Variants in CSGALNACT1 observed in about 807,000 individuals in gnomAD.
The protein encoded by CSGALNACT1 is chondroitin sulfate N-acetylgalactosaminyltransferase 1.
A neutral mutation model predicts 51.0 loss-of-function variants in CSGALNACT1; 52 were observed. The ratio of observed to expected loss-of-function variants is 1.02; its 90% CI spans 0.82 to 1.29. CSGALNACT1 has a LOEUF of 1.29. Among genes scored for constraint, CSGALNACT1 ranks in the 50% most tolerant of loss-of-function variants. The pLI is 0.00. For synonymous variants in CSGALNACT1, 341 were observed against 254.4 expected (o/e 1.34, Z -3.24); for missense variants, 935 against 679.2 (o/e 1.38, Z -4.19).
At chr8:19,595,408 CA>C (rs2048677717) in intron 2 of CSGALNACT1, among the ~76,000 whole-genome samples, 1 of 152,082 alleles carries the variant, frequency 6.6e-6, no homozygotes, top group African/African-American at 2.4e-5. Flanking sequence ...TAACAAGTCT[CA>C]ATATATGTTT....
At chr8:19,720,095 A>C (rs916453173) in intron 1 of CSGALNACT1, among the ~76,000 whole-genome samples, 3 of 152,244 alleles carry the variant, frequency 2.0e-5, no homozygotes, top group Non-Finnish European at 4.4e-5. Flanking sequence ...TGAGAAAGGC[A>C]GAGGAGAAAG....
intron 3 of CSGALNACT1, among the ~76,000 whole-genome samples, chr8:19,584,560 C>G (rs993703261): frequency 6.6e-6 from 1 of 152,174 alleles, no homozygotes; most frequent in African/African-American, 2.4e-5. Context: ...AAAATTCTAG[C>G]TAACGCCACT....
intron 4 of CSGALNACT1, among the ~76,000 whole-genome samples, chr8:19,468,304 T>C (rs1251211070): frequency 6.6e-6 from 1 of 152,104 alleles, no homozygotes; most frequent in Admixed American, 6.5e-5. Context: ...TTGGCCACCT[T>C]GAGGCAGTTC....
intron 1 of CSGALNACT1, among the ~76,000 whole-genome samples, chr8:19,653,668 T>A (rs2058022027): frequency 6.6e-6 from 1 of 152,036 alleles, no homozygotes; most frequent in Non-Finnish European, 1.5e-5. Context: ...GTGACACACA[T>A]CTGTAGTCCC....
intron 1 of CSGALNACT1, among the ~76,000 whole-genome samples, chr8:19,711,700 A>T (rs1252882176): frequency 2.6e-5 from 4 of 152,210 alleles, no homozygotes; most frequent in African/African-American, 9.7e-5. Context: ...TCAATATGAC[A>T]TCTCACAGGT....
At chr8:19,544,712 G>A (rs567418997) in intron 3 of CSGALNACT1, among the ~76,000 whole-genome samples, 2 of 152,216 alleles carry the variant, frequency 1.3e-5, no homozygotes, top group Admixed American at 1.3e-4. Flanking sequence ...AAATTCCAGG[G>A]GTGAATTAAT....
At chr8:19,463,558 T>C (rs2066013786) in intron 4 of CSGALNACT1, among the ~76,000 whole-genome samples, 1 of 152,194 alleles carries the variant, frequency 6.6e-6, no homozygotes, top group East Asian at 1.9e-4. Flanking sequence ...GGAATGGTTT[T>C]TCAGCCAGTA....
chr8:19,611,548 G>A (rs934837789), intron 1 of CSGALNACT1, among the ~76,000 whole-genome samples: 19 of 152,142 alleles, frequency 1.2e-4, no homozygotes, highest in African/African-American at 4.6e-4. Context: ...TACTATTCAG[G>A]AACATTAAAT....
intron 6 of CSGALNACT1, among the ~76,000 whole-genome samples, chr8:19,433,872 G>C (rs947692173): frequency 6.6e-6 from 1 of 152,184 alleles, no homozygotes; most frequent in Admixed American, 6.5e-5. Context: ...GTGGCCCAGA[G>C]AAGCCAAAAG....
intron 1 of CSGALNACT1, among the ~76,000 whole-genome samples, chr8:19,619,204 G>A (rs754130522): frequency 7.1e-6 from 1 of 141,796 alleles, no homozygotes; most frequent in Middle Eastern, 3.7e-3. Flanking sequence ...GAGTGCAGGT[G>A]AGGTAAGAAA....
At chr8:19,658,660 G>C (rs1221260613) in intron 1 of CSGALNACT1, among the ~76,000 whole-genome samples, 1 of 152,080 alleles carries the variant, frequency 6.6e-6, no homozygotes, top group Non-Finnish European at 1.5e-5. Flanking sequence ...CTTGAACCTG[G>C]GGGGCAGAGG....
intron 3 of CSGALNACT1, among the ~76,000 whole-genome samples, chr8:19,579,772 G>C (rs576833602): frequency 6.6e-6 from 1 of 152,194 alleles, no homozygotes; most frequent in Admixed American, 6.5e-5. Flanking sequence ...TTTTCCCATA[G>C]GAAAACCTTG....
rs138520892 is a variant in CSGALNACT1 at position 19,567,165 on chromosome 8, T to C, written c.-297+23995A>G. 3.9e-5 allele frequency among the ~76,000 whole-genome samples: 6 copies of C among 152,226 alleles called. No homozygotes were observed. In the East Asian group the frequency reaches 1.2e-3, roughly 29 times the overall value. On this transcript the variant is annotated intron_variant, in intron 3 of 9. Coordinates refer to ENST00000454498, the Ensembl canonical transcript of CSGALNACT1. Reference sequence around the variant, plus strand: ...TGAAAAGACTCAAGCCTAGACCTGATGGAGTAAAAAATGGCAAAACAAAAA... The same window carrying C: ...TGAAAAGACTCAAGCCTAGACCTGACGGAGTAAAAAATGGCAAAACAAAAA...
intron 3 of CSGALNACT1, among the ~76,000 whole-genome samples, chr8:19,530,287 T>G (rs1183845677): frequency 1.3e-5 from 2 of 150,938 alleles, no homozygotes; most frequent in Middle Eastern, 3.2e-3. Flanking sequence ...TTGAATCCAT[T>G]CAATATCCAT....
At chr8:19,405,040 C>T in exon 10 of CSGALNACT1, 1 of 453,272 alleles carries the variant, frequency 2.2e-6, no homozygotes, top group Non-Finnish European at 4.4e-6. Flanking sequence ...TAATGCATCT[C>T]AAAGTATCTT....
rs59996885 is a variant in CSGALNACT1, at chr8:19,493,070, AAC to A, written c.634+12129_634+12130del. 6.8e-3 allele frequency among the ~76,000 whole-genome samples: 1,032 copies of A among 150,830 alleles called. 27 individuals carry two copies. The East Asian group carries it at 0.091, about 13-fold the overall frequency. ...AATTCTTTTTTTGAAAAAAAAAAAAAACATCTGTAAATATGTTTGCAACAGAT... is the reference window on the plus strand; with the variant it reads ...AATTCTTTTTTTGAAAAAAAAAAAAAATCTGTAAATATGTTTGCAACAGAT... On this transcript the variant is annotated intron_variant, in intron 4 of 9. Transcript: ENST00000454498.
intron 3 of CSGALNACT1, among the ~76,000 whole-genome samples, chr8:19,528,643 C>G (rs757143277): frequency 6.6e-6 from 1 of 152,068 alleles, no homozygotes; most frequent in African/African-American, 2.4e-5. Flanking sequence ...TTAAACCCAC[C>G]CCCAAATCAT....
exon 4 of CSGALNACT1, chr8:19,505,625 G>C: frequency 2.5e-6 from 4 of 1,614,136 alleles, no homozygotes; most frequent in Non-Finnish European, 3.4e-6. Flanking sequence ...TGCTCACGTA[G>C]TTGCGGTGCT....
At chr8:19,590,104 A>C (rs750814813) in intron 3 of CSGALNACT1, among the ~76,000 whole-genome samples, 57 of 152,272 alleles carry the variant, frequency 3.7e-4, no homozygotes, top group Non-Finnish European at 6.6e-4. Flanking sequence ...CTCCTGCCCA[A>C]GTTTGGTGAC....
Sources: allele counts gnomAD v4.1 joint callset (sites outside exome capture counted in the v4.1 genomes callset), GRCh38; gene constraint gnomAD v4.1.1; transcripts MANE v1.5; gene names NCBI Gene and HGNC (gene_info 2026-07-23, HGNC 2026-07-21).